The following MARCHF3 variants were observed in gnomAD, a reference collection of about 807,000 sequenced individuals.
The protein encoded by MARCHF3 is E3 ubiquitin-protein ligase MARCHF3.
Under a neutral mutation model 24.2 loss-of-function variants are expected in MARCHF3, and 13 were observed. The observed-to-expected ratio is 0.54, with a 90% CI of 0.35 to 0.85. MARCHF3 has a LOEUF of 0.85. Among genes scored for constraint, MARCHF3 ranks in the 40% least tolerant of loss-of-function variants. The probability of loss-of-function intolerance (pLI) is 0.01; values close to 1 mark genes in which losing one functional copy is unlikely to be tolerated. For missense variants in MARCHF3, 276 were observed against 325.0 expected (o/e 0.85, Z 1.16); for synonymous variants, 144 against 137.3 (o/e 1.05, Z -0.34).
At chr5:126,989,121 AT>A (rs1751658878) in intron 1 of MARCHF3, among the ~76,000 whole-genome samples, 4 of 152,014 alleles carry the variant, frequency 2.6e-5, no homozygotes, top group African/African-American at 9.7e-5. Context: ...CTCTACAAAA[AT>A]TAAAAAATTA....
chr5:126,919,337 C>T (rs1749018580), intron 1 of MARCHF3, among the ~76,000 whole-genome samples: 1 of 152,170 alleles, frequency 6.6e-6, no homozygotes, highest in African/African-American at 2.4e-5. Context: ...GGAGTGCTAG[C>T]CTGCTCACCT....
chr5:126,882,158 A>G (rs111811593), intron 3 of MARCHF3, among the ~76,000 whole-genome samples: 2,062 of 152,336 alleles, frequency 0.014, 54 homozygotes, highest in African/African-American at 0.048. Flanking sequence ...GATTTAAACC[A>G]GCCTCACATG....
chr5:126,990,478 T>C (rs1751715047), intron 1 of MARCHF3, among the ~76,000 whole-genome samples: 2 of 152,150 alleles, frequency 1.3e-5, no homozygotes, highest in Admixed American at 1.3e-4. Flanking sequence ...ATTCAGGATA[T>C]AGGCATGGGC....
chr5:126,927,498 TG>T (rs1173566630), intron 1 of MARCHF3, among the ~76,000 whole-genome samples: 1 of 152,240 alleles, frequency 6.6e-6, no homozygotes. Context: ...GCTCCCTGGC[TG>T]GGACCTGCCT....
At chr5:126,979,243 C>T (rs1561456681) in intron 1 of MARCHF3, among the ~76,000 whole-genome samples, 1 of 152,306 alleles carries the variant, frequency 6.6e-6, no homozygotes, top group East Asian at 1.9e-4. Flanking sequence ...CTCTTTAGGA[C>T]ATGGACCACA....
At chr5:127,010,666 G>A (rs1752443139) in intron 1 of MARCHF3, among the ~76,000 whole-genome samples, 1 of 152,178 alleles carries the variant, frequency 6.6e-6, no homozygotes, top group Non-Finnish European at 1.5e-5. Context: ...TATTTAAGCT[G>A]GAGATGGAAT....
intron 1 of MARCHF3, among the ~76,000 whole-genome samples, chr5:127,000,071 C>T (rs1752077768): frequency 6.7e-6 from 1 of 149,740 alleles, no homozygotes. Flanking sequence ...ATATATTATT[C>T]TGTAAAGTAT....
intron 3 of MARCHF3, among the ~76,000 whole-genome samples, chr5:126,882,173 C>T (rs894187642): frequency 5.9e-5 from 9 of 152,212 alleles, no homozygotes; most frequent in African/African-American, 2.2e-4. Flanking sequence ...CACATGTTCT[C>T]TTCCTTGTTT....
chr5:126,924,655 T>C (rs1474287667), intron 1 of MARCHF3, among the ~76,000 whole-genome samples: 4 of 152,188 alleles, frequency 2.6e-5, no homozygotes, highest in Non-Finnish European at 4.4e-5. Context: ...TCCTTTCCAA[T>C]GAAAATAGAG....
At chr5:126,931,021 G>A (rs1749465261) in intron 1 of MARCHF3, among the ~76,000 whole-genome samples, 1 of 152,216 alleles carries the variant, frequency 6.6e-6, no homozygotes, top group South Asian at 2.1e-4. Context: ...AAATCGAGAT[G>A]CTCATGTGCC....
chr5:127,006,193 G>T (rs917343158), intron 1 of MARCHF3, among the ~76,000 whole-genome samples: 31 of 143,274 alleles, frequency 2.2e-4, no homozygotes, highest in Non-Finnish European at 3.3e-4. Flanking sequence ...ACACAGTGAG[G>T]CTCTGTCAAA....
chr5:126,989,340 A>ACTACTACTAC (rs1561461812), intron 1 of MARCHF3, among the ~76,000 whole-genome samples: 8 of 138,424 alleles, frequency 5.8e-5, no homozygotes, highest in Admixed American at 5.6e-4. Flanking sequence ...ACTACTACTA[A>ACTACTACTAC]TAATAATAAT....
chr5:126,928,229 A>G (rs1231805456), intron 1 of MARCHF3, among the ~76,000 whole-genome samples: 1 of 152,216 alleles, frequency 6.6e-6, no homozygotes, highest in Non-Finnish European at 1.5e-5. Context: ...TTTATTCTTG[A>G]ATCTCCAATT....
intron 1 of MARCHF3, chr5:127,029,800 A>G (rs1259161943): frequency 6.6e-6 from 1 of 152,218 alleles, no homozygotes; most frequent in Non-Finnish European, 1.5e-5. Context: ...TGCTAATAGA[A>G]AGCAATTACT....
chr5:126,996,026 C>A (rs1195844873), intron 1 of MARCHF3, among the ~76,000 whole-genome samples: 1 of 152,192 alleles, frequency 6.6e-6, no homozygotes, highest in Non-Finnish European at 1.5e-5. Flanking sequence ...GGCTTAGGGA[C>A]AATTTTGCAC....
chr5:126,952,871 G>T (rs1168369510), intron 1 of MARCHF3, among the ~76,000 whole-genome samples: 1 of 152,026 alleles, frequency 6.6e-6, no homozygotes, highest in Non-Finnish European at 1.5e-5. Context: ...AATCTTAATT[G>T]TCTTCCACAG....
chr5:126,916,692 GACACACACAC>G (rs34090036), intron 2 of MARCHF3, among the ~76,000 whole-genome samples: 80 of 130,558 alleles, frequency 6.1e-4, no homozygotes, highest in Admixed American at 1.6e-3. Context: ...CAGACAGACA[GACACACACAC>G]ACACACACAC....
At chr5:126,897,170 G>A (rs1753951265) in intron 3 of MARCHF3, among the ~76,000 whole-genome samples, 1 of 151,394 alleles carries the variant, frequency 6.6e-6, no homozygotes, top group South Asian at 2.1e-4. Context: ...CTCCCGAGTA[G>A]CTGGGATTAC....
At chr5:126,888,779 T>G (rs1036927109) in intron 3 of MARCHF3, among the ~76,000 whole-genome samples, 9 of 152,228 alleles carry the variant, frequency 5.9e-5, no homozygotes, top group African/African-American at 2.2e-4. Flanking sequence ...GTTTTTCTTT[T>G]TTTGAGATGG....
Sources: gnomAD v4.1 joint callset for allele counts (sites outside exome capture counted in the v4.1 genomes callset) on GRCh38, gnomAD v4.1.1 for gene constraint, MANE v1.5 for transcripts, NCBI Gene and HGNC (gene_info 2026-07-23, HGNC 2026-07-21) for gene names.